Variants in FGF12 observed in about 807,000 individuals in gnomAD.
FGF12 encodes fibroblast growth factor 12.
In FGF12, 14 loss-of-function variants were observed where a neutral mutation model predicts 23.6. The ratio of observed to expected loss-of-function variants is 0.59; its 90% confidence interval spans 0.39 to 0.93. The LOEUF is 0.93. Ranked by LOEUF, FGF12 falls within the 40% of genes least tolerant of loss-of-function variation. The pLI is 0.00. For missense variants in FGF12, 175 were observed against 217.8 expected (o/e 0.80, Z 1.24); for synonymous variants, 62 against 77.3 (o/e 0.80, Z 1.04).
At chr3:192,627,713 A>G (rs1715223782) in intron 2 of FGF12, among the ~76,000 whole-genome samples, 1 of 152,206 alleles carries the variant, frequency 6.6e-6, no homozygotes, top group Non-Finnish European at 1.5e-5. Flanking sequence ...GTAAGAAATA[A>G]TGTAGAGAGA....
At chr3:192,679,169 G>A (rs1717429835) in intron 2 of FGF12, among the ~76,000 whole-genome samples, 1 of 152,142 alleles carries the variant, frequency 6.6e-6, no homozygotes, top group South Asian at 2.1e-4. Context: ...AGGCACGGAA[G>A]GTCATATTTA....
At chr3:192,600,489 A>G (rs956658329) in intron 2 of FGF12, among the ~76,000 whole-genome samples, 1 of 152,058 alleles carries the variant, frequency 6.6e-6, no homozygotes, top group Non-Finnish European at 1.5e-5. Context: ...AGTATTAAAT[A>G]ACCAACAAAG....
chr3:192,521,194 T>G (rs149003623), intron 2 of FGF12: 25 of 152,316 alleles, frequency 1.6e-4, no homozygotes, highest in African/African-American at 5.5e-4. Flanking sequence ...TTTATGTCAG[T>G]GTGATTGTAA....
intron 2 of FGF12, among the ~76,000 whole-genome samples, chr3:192,643,768 C>T (rs764116446): frequency 3.3e-5 from 5 of 152,118 alleles, no homozygotes; most frequent in African/African-American, 4.8e-5. Context: ...TTTTAAACCA[C>T]AGAAAAGACT....
chr3:192,717,352 C>A (rs1280281222), intron 2 of FGF12, among the ~76,000 whole-genome samples: 1 of 152,118 alleles, frequency 6.6e-6, no homozygotes, highest in East Asian at 1.9e-4. Context: ...ATAGTGCCTG[C>A]CTCATTGGGT....
Position 192,581,482 on chromosome 3 carries a change from G to GTATATA in FGF12, c.13+145698_13+145699insTATATA, listed in dbSNP as rs1462363553. On this transcript the variant is annotated intron_variant, in intron 2 of 5. Coordinates refer to ENST00000445105, the MANE Select transcript of FGF12 (RefSeq NM_004113.6). Reference sequence around the variant, plus strand: ...TATATATATGTATATATATGTGTGTGTGTGTATATATATATATATATATAT... The same window carrying GTATATA: ...TATATATATGTATATATATGTGTGTGTATATATGTGTATATATATATATATATATAT... 3.8e-4 allele frequency among the ~76,000 whole-genome samples: 28 copies of GTATATA among 72,790 alleles called. 1 individual carries two copies. The highest frequency in any genetic ancestry group is 1.6e-3 in the African/African-American group (28 of 17,300). 47.8% of individuals were successfully genotyped at this position (72,790 alleles called of 152,430 possible). A position where few individuals can be genotyped will look rare whatever the true frequency, so the allele number is the denominator to read the frequency against.
At chr3:192,361,721 G>A (rs1292847857) in intron 2 of FGF12, among the ~76,000 whole-genome samples, 1 of 152,160 alleles carries the variant, frequency 6.6e-6, no homozygotes, top group Non-Finnish European at 1.5e-5. Flanking sequence ...AGCATTTAAT[G>A]TGATTAATTC....
chr3:192,511,228 C>T (rs1040360038), intron 2 of FGF12, among the ~76,000 whole-genome samples: 1 of 20,120 alleles, frequency 5.0e-5, no homozygotes, highest in African/African-American at 9.6e-5. Flanking sequence ...TGTGTACACA[C>T]ACACACACAC....
chr3:192,480,567 G>A (rs1020915316), intron 2 of FGF12, among the ~76,000 whole-genome samples: 2 of 152,150 alleles, frequency 1.3e-5, no homozygotes, highest in African/African-American at 4.8e-5. Flanking sequence ...CAATAAAAGA[G>A]CGAAGGTATT....
intron 2 of FGF12, among the ~76,000 whole-genome samples, chr3:192,446,722 T>C (rs1213688049): frequency 6.6e-6 from 1 of 152,126 alleles, no homozygotes; most frequent in Non-Finnish European, 1.5e-5. Flanking sequence ...TTGAATAATA[T>C]TTTCCTCCAT....
chr3:192,512,857 T>A (rs199859833), intron 2 of FGF12, among the ~76,000 whole-genome samples: 3 of 133,938 alleles, frequency 2.2e-5, no homozygotes, highest in African/African-American at 8.3e-5. Context: ...TATATATATA[T>A]ATAACAGGCT....
At position 192,336,044 on chromosome 3, in the gene FGF12, G is replaced by A. The variant is rs1577364790; in HGVS notation, c.125-580C>T. Among the ~76,000 whole-genome samples, 1 of 151,544 alleles carries A rather than the reference G, an allele frequency of 6.6e-6. No homozygotes were observed. The highest frequency in any genetic ancestry group is 1.5e-5 in the Non-Finnish European group (1 of 67,922). On this transcript the variant is annotated intron_variant, in intron 3 of 5. Transcript: ENST00000445105. The surrounding 1 kb of genome is among the most constrained non-coding windows in gnomAD (Gnocchi z 4.3). ...ACATGTAAATAAACAGAGATAAACA[G>A]ATGGACAGATGATTGATAGATAGCT...
intron 2 of FGF12, among the ~76,000 whole-genome samples, chr3:192,711,967 AATC>A (rs1184934266): frequency 6.6e-6 from 1 of 151,600 alleles, no homozygotes; most frequent in Non-Finnish European, 1.5e-5. Flanking sequence ...AAAAAATGTA[AATC>A]ATAATTATTC....
chr3:192,263,188 A>G (rs1712869931), intron 4 of FGF12, among the ~76,000 whole-genome samples: 1 of 152,146 alleles, frequency 6.6e-6, no homozygotes, highest in Non-Finnish European at 1.5e-5. Context: ...ATATGGCAGT[A>G]AAAATGGTCC....
At chr3:192,204,911 TAAGA>T (rs552129079) in intron 4 of FGF12, among the ~76,000 whole-genome samples, 88 of 151,618 alleles carry the variant, frequency 5.8e-4, no homozygotes, top group South Asian at 1.3e-3. Flanking sequence ...AAAAAGAAAG[TAAGA>T]AAGAAAGAAA....
chr3:192,346,923 T>C (rs1389677409), intron 3 of FGF12, among the ~76,000 whole-genome samples: 1 of 152,124 alleles, frequency 6.6e-6, no homozygotes, highest in Non-Finnish European at 1.5e-5. Context: ...CAATATCTTA[T>C]TGTATAACTT....
intron 2 of FGF12, among the ~76,000 whole-genome samples, chr3:192,566,417 A>C (rs543995183): frequency 3.5e-4 from 54 of 152,384 alleles, no homozygotes; most frequent in African/African-American, 1.2e-3. Context: ...CAAAGGCCTC[A>C]AATACACAAT....
chr3:192,642,302 C>T (rs1021940374), intron 2 of FGF12, among the ~76,000 whole-genome samples: 9 of 152,146 alleles, frequency 5.9e-5, no homozygotes, highest in African/African-American at 1.7e-4. Flanking sequence ...TCCGAGAATT[C>T]GAAACACTTT....
At chr3:192,713,487 G>T (rs76154443) in intron 2 of FGF12, among the ~76,000 whole-genome samples, 2,758 of 152,224 alleles carry the variant, frequency 0.018, 81 homozygotes, top group African/African-American at 0.064. Flanking sequence ...CACCTCAAAT[G>T]TTATGCATGA....
Sources: allele counts gnomAD v4.1 joint callset (sites outside exome capture counted in the v4.1 genomes callset), GRCh38; gene constraint gnomAD v4.1.1; non-coding constraint Gnocchi (gnomAD v3.1); transcripts MANE v1.5; gene names NCBI Gene and HGNC (gene_info 2026-07-23, HGNC 2026-07-21).